The following CFAP43 variants were observed in gnomAD, a reference collection of about 807,000 sequenced individuals.
CFAP43 encodes cilia and flagella associated protein 43, also known as cilia- and flagella-associated protein 43.
A neutral mutation model predicts 218.9 loss-of-function variants in CFAP43; 155 were observed. The ratio of observed to expected loss-of-function variants is 0.71; its 90% CI spans 0.62 to 0.81. The LOEUF is 0.81. Ranked by LOEUF, CFAP43 falls within the 30% of genes least tolerant of loss-of-function variation. The pLI is 0.00. For missense variants in CFAP43, 1,778 were observed against 1,954.3 expected (o/e 0.91, Z 1.70); for synonymous variants, 645 against 681.3 (o/e 0.95, Z 0.83).
intron 8 of CFAP43, among the ~76,000 whole-genome samples, chr10:104,202,581 C>G (rs2090563922): frequency 6.6e-6 from 1 of 152,108 alleles, no homozygotes; most frequent in Non-Finnish European, 1.5e-5. Context: ...TTTTGCTTTT[C>G]TAGTATCATT....
rs2089225016 is a variant in CFAP43 at position 104,167,647 on chromosome 10, T to G, written c.2782A>C (p.Lys928Gln). 1 of 1,610,624 alleles carries G rather than the reference T, an allele frequency of 6.2e-7. No homozygotes were observed. The highest frequency in any genetic ancestry group is 8.5e-7 in the Non-Finnish European group (1 of 1,179,184). Reference protein sequence around the residue: ...LKELERVLQQKKIEAECLKLR... With the variant: ...LKELERVLQQQKIEAECLKLR... ...TTAAGACACTCTGCTTCAATCTTCTTTTGCTGTAAAACTCTTTCCAATTCT... is the reference window on the plus strand; with the variant it reads ...TTAAGACACTCTGCTTCAATCTTCTGTTGCTGTAAAACTCTTTCCAATTCT... The change falls in exon 22 of 38, where the codon AAG becomes CAG. Residue 928 changes from lysine to glutamine, a missense_variant. Coordinates refer to ENST00000357060, the MANE Select transcript of CFAP43 (RefSeq NM_025145.7).
At chr10:104,195,786 C>T (rs1421620037) in intron 10 of CFAP43, among the ~76,000 whole-genome samples, 1 of 152,126 alleles carries the variant, frequency 6.6e-6, no homozygotes, top group Non-Finnish European at 1.5e-5. Context: ...AATGGTATCA[C>T]ATTGTGGTAG....
At chr10:104,199,570 A>G (rs1223641041) in intron 8 of CFAP43, among the ~76,000 whole-genome samples, 2 of 152,240 alleles carry the variant, frequency 1.3e-5, no homozygotes, top group Admixed American at 1.3e-4. Context: ...AATATAACCA[A>G]ATAAAATATA....
chr10:104,146,608 T>C (rs2087985071), intron 29 of CFAP43, among the ~76,000 whole-genome samples: 1 of 152,168 alleles, frequency 6.6e-6, no homozygotes, highest in South Asian at 2.1e-4. Flanking sequence ...GCATTCTTGG[T>C]AAGTCAGTGT....
chr10:104,142,323 T>C lies in CFAP43; in HGVS notation c.4229A>G (p.Lys1410Arg), dbSNP rs1192627012. 1.9e-6 allele frequency: 3 copies of C among 1,613,590 alleles called. No individual in the cohort carries two copies. The highest frequency in any genetic ancestry group is 2.2e-5 in the South Asian group (2 of 90,988). The change falls in exon 33 of 38, where the codon AAG becomes AGG. Residue 1410 changes from lysine to arginine, a missense_variant. Coordinates refer to ENST00000357060, the MANE Select transcript of CFAP43 (RefSeq NM_025145.7). ...FLQKRVEEEEKVQQEIERVFH... is the reference protein window; with the variant it reads ...FLQKRVEEEERVQQEIERVFH... Reference sequence around the variant, plus strand: ...CACTCTCTCAATCTCCTGTTGCACCTTCTCTTCCTCCTCAACTCTCTTCTG... The same window carrying C: ...CACTCTCTCAATCTCCTGTTGCACCCTCTCTTCCTCCTCAACTCTCTTCTG...
Position 104,148,069 on chromosome 10 carries a change from C to A in CFAP43, c.3661-71G>T. The A allele has an allele frequency of 6.3e-6, 6 of 955,944 alleles. No homozygotes were observed. The South Asian group carries it at 1.3e-4, about 20-fold the overall frequency. 59.2% of individuals were successfully genotyped at this position (955,944 alleles called of 1,614,324 possible). A position where few individuals can be genotyped will look rare whatever the true frequency, so the allele number is the denominator to read the frequency against. On this transcript the variant is annotated intron_variant, in intron 28 of 37. Coordinates refer to ENST00000357060, the MANE Select transcript of CFAP43 (RefSeq NM_025145.7). ...GAGACAATATTTTCTATAGACTTGG[C>A]ACTAATCAAGCAAGTTTATGACATA...
At chr10:104,204,511 A>C (rs1280059676) in intron 7 of CFAP43, among the ~76,000 whole-genome samples, 1 of 152,224 alleles carries the variant, frequency 6.6e-6, no homozygotes, top group African/African-American at 2.4e-5. Context: ...CCTGGAAGGG[A>C]AAGCAGGCAA....
intron 8 of CFAP43, among the ~76,000 whole-genome samples, chr10:104,200,670 CAAAAA>C (rs71022722): frequency 2.6e-4 from 6 of 22,654 alleles, no homozygotes; most frequent in South Asian, 2.8e-3. Context: ...GACTCTGTCT[CAAAAA>C]AAAAAAAAAA....
intron 13 of CFAP43, among the ~76,000 whole-genome samples, chr10:104,188,052 T>C (rs1389446022): frequency 2.6e-5 from 4 of 152,216 alleles, no homozygotes; most frequent in Non-Finnish European, 5.9e-5. Flanking sequence ...TCCTATCTCT[T>C]TTCCTATGGT....
chr10:104,147,849 A>G (rs746870012), intron 29 of CFAP43, 42 bp downstream of exon 29: 15 of 1,409,548 alleles, frequency 1.1e-5, no homozygotes, highest in African/African-American at 1.4e-5. Flanking sequence ...GGGCATGTCT[A>G]TCAGAAAATG....
In CFAP43 at chr10:104,185,109, C is replaced by T; in HGVS notation, c.2048G>A (p.Gly683Asp). Residue 683 changes from glycine to aspartate, a missense_variant, in exon 16 of 38, where the codon GGT becomes GAT. Transcript: ENST00000357060. ...AATTCTCATTGACTGAATCCCATGA[C>T]CCTGGTGAGAATGACTCCGACACCA... ...FAWCRSHSHQ[G>D]HGIQSMRISM... The T allele has an allele frequency of 6.2e-7, 1 of 1,614,076 alleles. No individual in the cohort carries two copies. Among genetic ancestry groups the T allele is most frequent in the Non-Finnish European group, 8.5e-7 (1 of 1,180,006 alleles).
At chr10:104,203,445 T>A in intron 8 of CFAP43, 1 of 427,086 alleles carries the variant, frequency 2.3e-6, no homozygotes, top group South Asian at 8.5e-5. Flanking sequence ...TCATGGTAGC[T>A]CTTTTATTCA....
intron 27 of CFAP43, among the ~76,000 whole-genome samples, chr10:104,156,202 G>A (rs1434442054): frequency 6.6e-6 from 1 of 151,974 alleles, no homozygotes; most frequent in Non-Finnish European, 1.5e-5. Context: ...TCATAAAATC[G>A]GAAGACACAC....
intron 3 of CFAP43, 49 bp downstream of exon 3, chr10:104,225,412 A>G (rs1718409383): frequency 7.2e-7 from 1 of 1,383,734 alleles, no homozygotes; most frequent in African/African-American, 1.5e-5. Flanking sequence ...GAAGAGTAAG[A>G]GGAAAATGTA....
chr10:104,219,367 C>A (rs1464024812), intron 3 of CFAP43, among the ~76,000 whole-genome samples: 1 of 152,176 alleles, frequency 6.6e-6, no homozygotes, highest in Admixed American at 6.5e-5. Context: ...CTCACCTGGA[C>A]CACCACAGCC....
intron 7 of CFAP43, among the ~76,000 whole-genome samples, chr10:104,204,322 GGGTT>G (rs1332566165): frequency 7.4e-6 from 1 of 135,460 alleles, no homozygotes; most frequent in African/African-American, 2.8e-5. Flanking sequence ...CAATAGAAAC[GGGTT>G]GGTTGGTTGG....
At chr10:104,183,580 G>A (rs558360399) in intron 16 of CFAP43, among the ~76,000 whole-genome samples, 10 of 151,890 alleles carry the variant, frequency 6.6e-5, no homozygotes, top group Non-Finnish European at 1.5e-4. Context: ...TAGTAGAGAC[G>A]GGGTTTCACC....
At chr10:104,197,737 G>A (rs1217143943) in intron 9 of CFAP43, among the ~76,000 whole-genome samples, 185 bp downstream of exon 9, 1 of 152,150 alleles carries the variant, frequency 6.6e-6, no homozygotes, top group Non-Finnish European at 1.5e-5. Flanking sequence ...CTAACCGGGG[G>A]GTAGATTTGA....
In CFAP43 at chr10:104,167,606, T is replaced by C; in HGVS notation, c.2808+15A>G. The C allele has an allele frequency of 1.3e-6, 2 of 1,567,544 alleles. No homozygotes were observed. Among genetic ancestry groups the C allele is most frequent in the South Asian group, 1.2e-5 (1 of 84,838 alleles). ...CACATCACTTATATAAACACATGTA[T>C]ATTTAAAATAGTACTTTAAGACACT... On this transcript the variant is annotated intron_variant, in intron 22 of 37. Coordinates refer to ENST00000357060, the MANE Select transcript of CFAP43 (RefSeq NM_025145.7).
Sources: gnomAD v4.1 joint callset for allele counts (sites outside exome capture counted in the v4.1 genomes callset) on GRCh38, gnomAD v4.1.1 for gene constraint, MANE v1.5 for transcripts, NCBI Gene and HGNC (gene_info 2026-07-23, HGNC 2026-07-21) for gene names.